SAP130: variants seen among roughly 807,000 people sequenced by gnomAD.
The protein encoded by SAP130 is Sin3A associated protein 130.
SAP130 carries 16 observed loss-of-function variants against 103.2 expected under a neutral mutation model. That is an observed-to-expected ratio of 0.16 (90% confidence interval 0.10 to 0.24). The LOEUF (loss-of-function observed/expected upper bound fraction) is 0.24, where lower values mean the gene tolerates loss of function less well. Among genes scored for constraint, SAP130 ranks in the 10% least tolerant of loss-of-function variants. SAP130 has a pLI of 1.00. For missense variants in SAP130, 990 were observed against 1,359.7 expected (o/e 0.73, Z 4.28); for synonymous variants, 477 against 497.0 (o/e 0.96, Z 0.53).
intron 15 of SAP130, among the ~76,000 whole-genome samples, chr2:127,960,634 G>A (rs993298700): frequency 6.6e-6 from 1 of 151,946 alleles, no homozygotes; most frequent in Admixed American, 6.6e-5. Flanking sequence ...TTTTCCTTAA[G>A]TTTTTTTGTT....
intron 10 of SAP130, among the ~76,000 whole-genome samples, chr2:127,997,622 T>A (rs1464487978): frequency 6.6e-6 from 1 of 152,164 alleles, no homozygotes; most frequent in Non-Finnish European, 1.5e-5. Context: ...GGGTTTTCCA[T>A]CAGGGAGGTA....
At chr2:127,948,637 T>C (rs1443127204) in intron 18 of SAP130, among the ~76,000 whole-genome samples, 1 of 152,118 alleles carries the variant, frequency 6.6e-6, no homozygotes. Context: ...TCACCGCGCC[T>C]GGCCTCCTGT....
intron 16 of SAP130, among the ~76,000 whole-genome samples, chr2:127,951,732 C>T (rs73955684): frequency 1.7e-3 from 266 of 152,296 alleles, no homozygotes; most frequent in African/African-American, 5.0e-3. Context: ...AACTGAATGT[C>T]GCCAGAGGGA....
In SAP130 at chr2:127,986,992, T is replaced by G. The variant is rs760801637; in HGVS notation, c.1781-30A>C. On this transcript the variant is annotated intron_variant, in intron 13 of 20. Transcript: ENST00000643581. This position sits in a 1 kb window ranked among gnomAD's most constrained non-coding sequence, Gnocchi z 4.7. The stretch of plus-strand genomic sequence containing the variant: ...AGGAGAGAGGCAACAGGAAAGAACA[T>G]TGAAGAGAGGGAAACAAAATGCCAT... The G allele has an allele frequency of 1.9e-6, 3 of 1,589,018 alleles. No individual in the cohort carries two copies. Among genetic ancestry groups the G allele is most frequent in the African/African-American group, 1.3e-5 (1 of 74,278 alleles).
chr2:127,999,793 T>C lies in SAP130; in HGVS notation c.1161A>G (p.Val387=). The C allele has an allele frequency of 6.5e-7, 1 of 1,535,518 alleles. No homozygotes were observed. The change falls in exon 10 of 21, where the codon GTA becomes GTG. Residue 387 remains valine, a synonymous_variant. Transcript: ENST00000643581. ...CAGTAGCATGGGAGGAATGGGAGGG[T>C]ACTGTCATGGTAACAATGGTACTTG... The part of the protein sequence containing the change: ...APTSTIVTMT[V]PSHSSHATAV...
At position 127,998,703 on chromosome 2, in the gene SAP130, G is replaced by A. The variant is rs575220602; in HGVS notation, c.1213+1038C>T. On this transcript the variant is annotated intron_variant, in intron 10 of 20. Transcript: ENST00000643581. ...CTTCCACAGTGGGATCTCTTAGGAA[G>A]ATAGAAGGACATTCACAAGAACCAA... 2.8e-4 allele frequency among the ~76,000 whole-genome samples: 42 copies of A among 152,346 alleles called. 1 individual carries two copies. The East Asian group carries it at 7.7e-3, about 28-fold the overall frequency.
At chr2:127,971,591 A>G (rs748587551) in intron 15 of SAP130, among the ~76,000 whole-genome samples, 102 of 151,982 alleles carry the variant, frequency 6.7e-4, no homozygotes, top group Non-Finnish European at 2.4e-4. Flanking sequence ...CCCGCCACCC[A>G]CTTTCTCATT....
intron 8 of SAP130, 35 bp from the exon 9 acceptor site, chr2:128,000,181 C>A (rs747049429): frequency 6.2e-7 from 1 of 1,610,646 alleles, no homozygotes; most frequent in South Asian, 1.1e-5. Flanking sequence ...GTTATAAGAA[C>A]ATTATCCACT....
At chr2:127,999,087 G>T (rs948406079) in intron 10 of SAP130, among the ~76,000 whole-genome samples, 1 of 152,202 alleles carries the variant, frequency 6.6e-6, no homozygotes, top group Non-Finnish European at 1.5e-5. Context: ...AAGTCATGGT[G>T]AGCAGTGATG....
chr2:127,997,778 C>G (rs1683273154), intron 10 of SAP130, among the ~76,000 whole-genome samples: 1 of 152,104 alleles, frequency 6.6e-6, no homozygotes, highest in African/African-American at 2.4e-5. Flanking sequence ...CAGACATACC[C>G]CACCACTCAG....
At chr2:127,999,023 C>A (rs1031209510) in intron 10 of SAP130, among the ~76,000 whole-genome samples, 3 of 152,188 alleles carry the variant, frequency 2.0e-5, no homozygotes, top group African/African-American at 7.2e-5. Flanking sequence ...CTTCTTTTGA[C>A]AAATATGAAT....
chr2:127,973,126 C>A (rs1681205078), intron 15 of SAP130, among the ~76,000 whole-genome samples: 2 of 152,206 alleles, frequency 1.3e-5, no homozygotes, highest in Admixed American at 1.3e-4. Context: ...TCTATTTATA[C>A]TACCTTCCAC....
At position 127,945,510 on chromosome 2, in the gene SAP130, G is replaced by C. The variant is rs141906487; in HGVS notation, c.2847C>G (p.Ser949=). ...GGACTTTCCAGCCTTGAGCACGACA[G>C]GATACTCCTTTCTGATTAGCTATTT... is the stretch of plus-strand genomic sequence containing the variant. ...LQEIANQKGV[S]CRAQGWKVHL... Residue 949 remains serine (S), a synonymous_variant, in exon 19 of 21, where the codon TCC becomes TCG. Transcript: ENST00000643581. 2.2e-3 allele frequency: 3,532 copies of C among 1,613,478 alleles called. 5 individuals carry two copies. The highest frequency in any genetic ancestry group is 3.1e-3 in the Admixed American group (183 of 59,994).
At chr2:127,959,445 G>A (rs752833944) in intron 15 of SAP130, among the ~76,000 whole-genome samples, 2 of 152,194 alleles carry the variant, frequency 1.3e-5, no homozygotes, top group Non-Finnish European at 2.9e-5. Context: ...CGGCCAGGTT[G>A]TAATGAGAGA....
chr2:127,970,221 C>CA (rs1175902128), intron 15 of SAP130, among the ~76,000 whole-genome samples: 3,263 of 60,096 alleles, frequency 0.054, 55 homozygotes, highest in African/African-American at 0.076. Context: ...GACTCCGTCT[C>CA]AAAAAAAAAA....
intron 10 of SAP130, among the ~76,000 whole-genome samples, chr2:127,997,652 AG>A: frequency 6.6e-6 from 1 of 152,186 alleles, no homozygotes; most frequent in Non-Finnish European, 1.5e-5. Flanking sequence ...GATGGTGAGC[AG>A]GGGGCAACTA....
At chr2:127,979,221 A>G (rs532024020) in intron 14 of SAP130, among the ~76,000 whole-genome samples, 11 of 152,360 alleles carry the variant, frequency 7.2e-5, no homozygotes, top group Admixed American at 6.5e-5. Context: ...TGCAAGCCAA[A>G]GAACACAAAG....
chr2:127,947,765 T>TGTGTGTGTGA (rs1491129151), intron 18 of SAP130, among the ~76,000 whole-genome samples: 643 of 5,146 alleles, frequency 0.12, 4 homozygotes, highest in East Asian at 0.32. Flanking sequence ...TGTGTGTGTC[T>TGTGTGTGTGA]GTGTGTGTGT....
intron 16 of SAP130, 63 bp downstream of exon 16, chr2:127,954,923 G>A: frequency 1.6e-6 from 2 of 1,254,598 alleles, no homozygotes; most frequent in Non-Finnish European, 2.3e-6. Flanking sequence ...CTGGATGCTG[G>A]AGGAGAATTA....
Sources: allele counts gnomAD v4.1 joint callset (sites outside exome capture counted in the v4.1 genomes callset), GRCh38; gene constraint gnomAD v4.1.1; non-coding constraint Gnocchi (gnomAD v3.1); transcripts MANE v1.5; gene names NCBI Gene and HGNC (gene_info 2026-07-23, HGNC 2026-07-21).